Variants in INHBC observed in about 807,000 individuals in gnomAD.
INHBC encodes inhibin beta C chain.
A neutral mutation model predicts 12.4 loss-of-function variants in INHBC; 10 were observed. The observed-to-expected ratio is 0.81, with a 90% CI of 0.50 to 1.37. INHBC has a LOEUF of 1.37. INHBC is among the 40% of genes most tolerant of loss of function. INHBC has a pLI of 0.00. For missense variants in INHBC, 382 were observed against 439.4 expected (o/e 0.87, Z 1.17); for synonymous variants, 147 against 171.6 (o/e 0.86, Z 1.12).
chr12:57,449,487 G>A lies in INHBC; in HGVS notation c.524G>A (p.Ser175Asn), dbSNP rs758866238. ...CAGTACCTGCTGGAGGTGGATGCCA[G>A]TGGCTGGCATCAACTCCCCCTAGGG... ...ATQYLLEVDA[S>N]GWHQLPLGPE... is the part of the protein sequence containing the mutation. The change falls in exon 2 of 2, where the codon AGT (serine) becomes AAT (asparagine). Residue 175 changes from serine to asparagine, a missense_variant. Ser to Asn is a conservative substitution (Grantham distance 46, BLOSUM62 1). Transcript: ENST00000309668. 6.2e-7 allele frequency: 1 copy of A among 1,614,184 alleles called. No individual in the cohort carries two copies. The highest frequency in any genetic ancestry group is 1.1e-5 in the South Asian group (1 of 91,086).
intron 1 of INHBC, among the ~76,000 whole-genome samples, chr12:57,447,892 A>AAAAATATATAT (rs1555325179): frequency 1.6e-3 from 31 of 19,850 alleles, no homozygotes; most frequent in Non-Finnish European, 2.4e-3. Context: ...AAAAAAAAAA[A>AAAAATATATAT]ATATATATAT....
At chr12:57,447,922 T>TATATATATAA (rs1324931217) in intron 1 of INHBC, among the ~76,000 whole-genome samples, 20 of 75,644 alleles carry the variant, frequency 2.6e-4, no homozygotes, top group Middle Eastern at 7.1e-3. Flanking sequence ...TATATATATA[T>TATATATATAA]AAAATATATG....
At chr12:57,438,737 A>G (rs943102867) in intron 1 of INHBC, among the ~76,000 whole-genome samples, 1 of 152,206 alleles carries the variant, frequency 6.6e-6, no homozygotes, top group African/African-American at 2.4e-5. Context: ...GCAGCCTACT[A>G]AAGTCTGCCC....
At chr12:57,448,097 C>G (rs1439369709) in intron 1 of INHBC, among the ~76,000 whole-genome samples, 4 of 151,242 alleles carry the variant, frequency 2.6e-5, no homozygotes, top group Middle Eastern at 3.2e-3. Flanking sequence ...CAGGCATGCA[C>G]TACTCCACCC....
At chr12:57,438,592 A>G (rs1263872904) in intron 1 of INHBC, among the ~76,000 whole-genome samples, 1 of 152,230 alleles carries the variant, frequency 6.6e-6, no homozygotes, top group Non-Finnish European at 1.5e-5. Context: ...TCAAACTTCT[A>G]CATACACCCT....
chr12:57,436,472 T>C (rs1300847612), intron 1 of INHBC, among the ~76,000 whole-genome samples: 2 of 136,852 alleles, frequency 1.5e-5, no homozygotes, highest in Non-Finnish European at 3.2e-5. Flanking sequence ...CTTTTCTTTT[T>C]CTTTTTTTTT....
chr12:57,449,294 C>A lies in INHBC; in HGVS notation c.331C>A (p.Gln111Lys), dbSNP rs1264641328. Residue 111 changes from glutamine (Q) to lysine (K), a missense_variant, in exon 2 of 2, where the codon CAG becomes AAG. By Grantham distance (53) the Gln-to-Lys change is moderately conservative (BLOSUM62 1). Transcript: ENST00000309668. Reference sequence around the variant, plus strand: ...GTCCACAGGCCTCTCCACCATCAACCAGACTCGTCTTGATTTTCACTTCTC... The same window carrying A: ...GTCCACAGGCCTCTCCACCATCAACAAGACTCGTCTTGATTTTCACTTCTC... ...FAETGLSTIN[Q>K]TRLDFHFSSD... 1 of 1,613,556 alleles carries A rather than the reference C, an allele frequency of 6.2e-7. No individual in the cohort carries two copies. The highest frequency in any genetic ancestry group is 1.7e-5 in the Admixed American group (1 of 59,974).
chr12:57,444,588 G>T (rs568235518), intron 1 of INHBC, among the ~76,000 whole-genome samples: 2 of 151,984 alleles, frequency 1.3e-5, no homozygotes, highest in Admixed American at 1.3e-4. Flanking sequence ...CATGATAATG[G>T]CTATACAAAC....
intron 1 of INHBC, 65 bp from the exon 2 acceptor site, chr12:57,449,212 A>G: frequency 6.5e-7 from 1 of 1,543,688 alleles, no homozygotes; most frequent in Non-Finnish European, 8.7e-7. Context: ...TGCTGAGTAC[A>G]GAGAAATAGT....
intron 1 of INHBC, among the ~76,000 whole-genome samples, chr12:57,447,442 C>T (rs2139834990): frequency 6.6e-6 from 1 of 151,654 alleles, no homozygotes; most frequent in African/African-American, 2.4e-5. Flanking sequence ...GCCTCAGCCT[C>T]CCAAAGTGCT....
At chr12:57,436,149 T>C (rs1870331830) in intron 1 of INHBC, among the ~76,000 whole-genome samples, 1 of 144,170 alleles carries the variant, frequency 6.9e-6, no homozygotes, top group Non-Finnish European at 1.5e-5. Flanking sequence ...CCGGCAACCC[T>C]GTCTCTTTTT....
intron 1 of INHBC, among the ~76,000 whole-genome samples, chr12:57,443,284 AT>A (rs1015826166): frequency 3.4e-5 from 5 of 147,226 alleles, no homozygotes; most frequent in African/African-American, 5.0e-5. Context: ...TGCCCAGCTA[AT>A]TTTTTTTTCT....
rs186924428 is a variant in INHBC at position 57,444,230 on chromosome 12, G to A, written c.314-5047G>A. Reference sequence around the variant, plus strand: ...GAAGAAAGAGGGGTAGGAGAAATACGTAGTAAACAAATGAACGAAGAACCA... The same window carrying A: ...GAAGAAAGAGGGGTAGGAGAAATACATAGTAAACAAATGAACGAAGAACCA... On this transcript the variant is annotated intron_variant, in intron 1 of 1. Coordinates refer to ENST00000309668, the MANE Select transcript of INHBC (RefSeq NM_005538.4). Among the ~76,000 whole-genome samples the A allele has an allele frequency of 1.4e-3, 211 of 151,800 alleles. No homozygotes were observed. In the Middle Eastern group the frequency reaches 0.027, roughly 20 times the overall value.
chr12:57,444,464 C>T (rs1367972240), intron 1 of INHBC, among the ~76,000 whole-genome samples: 2 of 150,398 alleles, frequency 1.3e-5, no homozygotes, highest in Middle Eastern at 3.4e-3. Context: ...TTGCTTGAAC[C>T]GGGTAGGTGG....
chr12:57,442,865 C>T (rs1397798063), intron 1 of INHBC, among the ~76,000 whole-genome samples: 2 of 151,984 alleles, frequency 1.3e-5, no homozygotes, highest in East Asian at 3.9e-4. Flanking sequence ...GTGGCAGGTG[C>T]CTCTAATCCC....
chr12:57,435,696 T>G (rs1373354910), intron 1 of INHBC, among the ~76,000 whole-genome samples: 3 of 152,180 alleles, frequency 2.0e-5, no homozygotes, highest in Non-Finnish European at 4.4e-5. Flanking sequence ...CAGGTCCCCA[T>G]ATCACAGAGA....
intron 1 of INHBC, among the ~76,000 whole-genome samples, chr12:57,444,374 C>G (rs1267199285): frequency 6.6e-6 from 1 of 151,850 alleles, no homozygotes; most frequent in Admixed American, 6.6e-5. Context: ...AACTCCGTCT[C>G]TACTAAAAAT....
In INHBC at chr12:57,449,867, C is replaced by G. The variant is rs762437280; in HGVS notation, c.904C>G (p.Leu302Val). 3.7e-6 allele frequency: 6 copies of G among 1,612,576 alleles called. 1 individual carries two copies. In the Admixed American group the frequency reaches 5.0e-5, roughly 13 times the overall value. ...CTTTCACACTGCAGTGCTCAATCTT[C>G]TCAAGGCCAACACAGCTGCAGGCAC... Reference protein sequence around the residue: ...ASFHTAVLNLLKANTAAGTTG... With the variant: ...ASFHTAVLNLVKANTAAGTTG... The change falls in exon 2 of 2, where the codon CTC becomes GTC. Residue 302 changes from leucine (L) to valine (V), a missense_variant. Coordinates refer to ENST00000309668, the MANE Select transcript of INHBC (RefSeq NM_005538.4).
rs1555325054 is a variant in INHBC, at chr12:57,445,717, C to CCG, written c.314-3559_314-3558insGC. On this transcript the variant is annotated intron_variant, in intron 1 of 1. Transcript: ENST00000309668. ...CAGTCTGGGTAACATAGTGAGACCC[C>CCG]CCGCCCATCTCCATGTAAATTTTTT... Among the ~76,000 whole-genome samples, 208 of 145,372 alleles carry CCG rather than the reference C, an allele frequency of 1.4e-3. 10 individuals carry two copies. The East Asian group carries it at 0.038, about 27-fold the overall frequency.
Sources: allele counts gnomAD v4.1 joint callset (sites outside exome capture counted in the v4.1 genomes callset), GRCh38; gene constraint gnomAD v4.1.1; transcripts MANE v1.5; gene names NCBI Gene and HGNC (gene_info 2026-07-23, HGNC 2026-07-21).